Variants in AP1S3 observed in about 807,000 individuals in gnomAD.
AP1S3 encodes the protein adaptor related protein complex 1 subunit sigma 3.
Under a neutral mutation model 20.9 loss-of-function variants are expected in AP1S3, and 10 were observed. The observed-to-expected ratio is 0.48, with a 90% CI of 0.29 to 0.81. AP1S3 has a LOEUF of 0.81. Ranked by LOEUF, AP1S3 falls within the 30% of genes least tolerant of loss-of-function variation. The pLI is 0.08. For missense variants in AP1S3, 154 were observed against 183.8 expected (o/e 0.84, Z 0.94); for synonymous variants, 41 against 61.5 (o/e 0.67, Z 1.56).
chr2:223,813,430 T>G (rs1559142701), intron 1 of AP1S3, among the ~76,000 whole-genome samples: 1 of 152,254 alleles, frequency 6.6e-6, no homozygotes, highest in Non-Finnish European at 1.5e-5. Flanking sequence ...GTATTTTACC[T>G]CATTTAATCC....
intron 1 of AP1S3, among the ~76,000 whole-genome samples, chr2:223,781,651 G>A (rs1431334557): frequency 2.6e-5 from 4 of 151,828 alleles, no homozygotes; most frequent in Non-Finnish European, 5.9e-5. Flanking sequence ...TATTCAGAAG[G>A]GTATTTTTGC....
rs373837062 is a variant in AP1S3, at chr2:223,775,930, C to T, written c.262G>A (p.Val88Met). Reference protein sequence around the residue: ...LLTLEIVHRYVELLDKYFGNV... With the variant: ...LLTLEIVHRYMELLDKYFGNV... ...CCAAAATATTTGTCCAGCAGCTCCA[C>T]GTAACGATGCACAATCTCTAGCGTC... Residue 88 changes from valine to methionine, a missense_variant, in exon 3 of 5, where the codon GTG becomes ATG. Physicochemically the swap from Val to Met is conservative, Grantham distance 21 (BLOSUM62 1). Transcript: ENST00000396654. The T allele has an allele frequency of 5.0e-6, 8 of 1,614,116 alleles. No individual in the cohort carries two copies. The African/African-American group carries it at 6.7e-5, about 13-fold the overall frequency.
rs80249944 is a variant in AP1S3, at chr2:223,777,898, C to A, written c.4-29G>T. The A allele has an allele frequency of 2.3e-3, 3,636 of 1,587,906 alleles. 66 individuals carry two copies. The African/African-American group carries it at 0.043, about 19-fold the overall frequency. On this transcript the variant is annotated intron_variant, in intron 1 of 4. Coordinates refer to ENST00000396654, the MANE Select transcript of AP1S3 (RefSeq NM_001039569.2). ...GAACAAAGGACACAAAAAACAGAAC[C>A]TGATCAACCAAGTCACTCTGCCGTT...
intron 1 of AP1S3, among the ~76,000 whole-genome samples, chr2:223,810,723 A>G (rs373544073): frequency 8.6e-4 from 112 of 129,574 alleles, no homozygotes; most frequent in Admixed American, 2.7e-3. Context: ...AAATGCAAAG[A>G]TGTGCTGTCC....
At chr2:223,769,832 C>T (rs1409765843) in intron 3 of AP1S3, among the ~76,000 whole-genome samples, 4 of 150,402 alleles carry the variant, frequency 2.7e-5, no homozygotes, top group African/African-American at 7.3e-5. Flanking sequence ...AAGGCTCCGC[C>T]CCCCGGGGTT....
chr2:223,782,480 G>A (rs1489760124), intron 1 of AP1S3, among the ~76,000 whole-genome samples: 2 of 152,140 alleles, frequency 1.3e-5, no homozygotes, highest in South Asian at 2.1e-4. Context: ...CTAGATCAAC[G>A]TTGGAAGTTT....
intron 1 of AP1S3, among the ~76,000 whole-genome samples, chr2:223,794,075 T>C (rs929906970): frequency 6.6e-5 from 10 of 152,332 alleles, no homozygotes; most frequent in African/African-American, 2.4e-4. Flanking sequence ...TTGGGTTTTT[T>C]TTCCTACAAT....
intron 1 of AP1S3, among the ~76,000 whole-genome samples, chr2:223,804,848 C>T (rs1691543663): frequency 6.6e-6 from 1 of 152,180 alleles, no homozygotes; most frequent in Non-Finnish European, 1.5e-5. Context: ...GTTCAAATAT[C>T]TACATTTAGG....
intron 1 of AP1S3, among the ~76,000 whole-genome samples, chr2:223,832,707 G>C (rs1692301407): frequency 6.6e-6 from 1 of 152,116 alleles, no homozygotes; most frequent in Admixed American, 6.5e-5. Flanking sequence ...AAGGGGAAGG[G>C]GGCGTGGCAG....
At chr2:223,758,898 A>G in intron 4 of AP1S3, 148 bp from the exon 5 acceptor site, 2 of 686,252 alleles carry the variant, frequency 2.9e-6, no homozygotes, top group Non-Finnish European at 2.3e-6. Context: ...TTGCATTCTA[A>G]TCAAAGTTTG....
chr2:223,790,840 C>A (rs983577075), intron 1 of AP1S3, among the ~76,000 whole-genome samples: 6 of 152,094 alleles, frequency 3.9e-5, no homozygotes, highest in Non-Finnish European at 8.8e-5. Flanking sequence ...AGAGGGATAT[C>A]ATCACTGACC....
intron 3 of AP1S3, 98 bp downstream of exon 3, chr2:223,775,803 A>C: frequency 1.2e-6 from 1 of 865,720 alleles, no homozygotes; most frequent in Non-Finnish European, 1.8e-6. Flanking sequence ...TTCATATTTT[A>C]GATGTGACAG....
At chr2:223,818,234 T>C (rs1691900854) in intron 1 of AP1S3, among the ~76,000 whole-genome samples, 1 of 152,102 alleles carries the variant, frequency 6.6e-6, no homozygotes, top group African/African-American at 2.4e-5. Context: ...CTGGGCAATA[T>C]GGCAAAACCC....
rs116403326 is a variant in AP1S3, at chr2:223,756,353, A to G, written c.*2362T>C. 0.027 allele frequency: 8,093 copies of G among 298,114 alleles called. 327 individuals carry two copies. Among genetic ancestry groups the G allele is most frequent in the East Asian group, 0.24 (1,300 of 5,530 alleles). The allele number at this position is 298,114 out of a possible 1,614,324, so 18.5% of individuals were successfully genotyped here. Reference sequence around the variant, plus strand: ...GGAAAGAAAAGAAAGAAAAGAAAAGAAAAGAGAAAAAGAAAGAAAGAAAGG... The same window carrying G: ...GGAAAGAAAAGAAAGAAAAGAAAAGGAAAGAGAAAAAGAAAGAAAGAAAGG... On this transcript the variant is annotated 3_prime_UTR_variant, in exon 5 of 5. Transcript: ENST00000396654.
At chr2:223,800,943 G>C (rs891177257) in intron 1 of AP1S3, among the ~76,000 whole-genome samples, 2 of 152,204 alleles carry the variant, frequency 1.3e-5, no homozygotes, top group South Asian at 4.1e-4. Flanking sequence ...TACAGTTTGA[G>C]GCAGAATTAA....
intron 1 of AP1S3, among the ~76,000 whole-genome samples, chr2:223,814,684 G>A (rs1163800779): frequency 6.6e-6 from 1 of 152,182 alleles, no homozygotes; most frequent in Non-Finnish European, 1.5e-5. Flanking sequence ...CAATCAAAAT[G>A]AGGTTTGCAC....
chr2:223,788,445 T>C (rs989351553), intron 1 of AP1S3, among the ~76,000 whole-genome samples: 5 of 150,806 alleles, frequency 3.3e-5, no homozygotes, highest in African/African-American at 1.2e-4. Context: ...ACACCCTGAC[T>C]CTACTAAAAC....
intron 4 of AP1S3, among the ~76,000 whole-genome samples, chr2:223,759,781 T>G (rs908731846): frequency 1.3e-5 from 2 of 152,082 alleles, no homozygotes; most frequent in African/African-American, 2.4e-5. Flanking sequence ...CCCTCCACCC[T>G]CTGAAAGGCT....
chr2:223,785,272 G>A (rs1188937354), intron 1 of AP1S3, among the ~76,000 whole-genome samples: 1 of 152,152 alleles, frequency 6.6e-6, no homozygotes, highest in African/African-American at 2.4e-5. Flanking sequence ...AACCCAGGAG[G>A]TGGAGGCTGC....
Sources: allele counts gnomAD v4.1 joint callset (sites outside exome capture counted in the v4.1 genomes callset), GRCh38; gene constraint gnomAD v4.1.1; transcripts MANE v1.5; gene names NCBI Gene and HGNC (gene_info 2026-07-23, HGNC 2026-07-21).